Variants in SPTB observed in about 807,000 individuals in gnomAD.
SPTB encodes the protein spectrin beta chain, erythrocytic.
A neutral mutation model predicts 256.2 loss-of-function variants in SPTB; 45 were observed. The ratio of observed to expected loss-of-function variants is 0.18; its 90% CI spans 0.14 to 0.23. The LOEUF is 0.23. Among genes scored for constraint, SPTB ranks in the 10% least tolerant of loss-of-function variants. The pLI, the probability that SPTB is intolerant of heterozygous loss-of-function variation, is 1.00. For missense variants in SPTB, 2,715 were observed against 3,040.4 expected (o/e 0.89, Z 2.52); for synonymous variants, 1,231 against 1,243.1 (o/e 0.99, Z 0.21).
At chr14:64,822,369 C>CTGGT (rs2083305174) in intron 2 of SPTB, among the ~76,000 whole-genome samples, 2 of 127,756 alleles carry the variant, frequency 1.6e-5, no homozygotes, top group Non-Finnish European at 3.5e-5. Flanking sequence ...CTCTCTCTCT[C>CTGGT]TCTCTCACAC....
chr14:64,805,202 A>G, intron 2 of SPTB, 112 bp from the exon 3 acceptor site: 1 of 1,225,546 alleles, frequency 8.2e-7, no homozygotes, highest in Non-Finnish European at 1.2e-6. Context: ...TGGCAGAGGA[A>G]GTCGATGTAT....
chr14:64,863,305 G>GA (rs372076510), intron 1 of SPTB, among the ~76,000 whole-genome samples: 11 of 149,542 alleles, frequency 7.4e-5, no homozygotes, highest in East Asian at 3.9e-4. Flanking sequence ...GCTGATGAGC[G>GA]AAAAAAAAAA....
intron 9 of SPTB, among the ~76,000 whole-genome samples, chr14:64,799,104 G>A (rs1414485563): frequency 6.7e-6 from 1 of 149,642 alleles, no homozygotes; most frequent in Non-Finnish European, 1.5e-5. Flanking sequence ...TGAGTGCACG[G>A]TTGTGTGTGT....
Position 64,806,516 on chromosome 14 carries a change from A to G in SPTB, c.149-1426T>C, listed in dbSNP as rs114155584. ...GCTTTTTAAATTATTAAATATCTTG[A>G]TTCAACAATAACAAAAAGAGGAGCT... On this transcript the variant is annotated intron_variant, in intron 2 of 35. Coordinates refer to ENST00000644917, the MANE Select transcript of SPTB (RefSeq NM_001355436.2). The surrounding 1 kb of genome is among the most constrained non-coding windows in gnomAD (Gnocchi z 4.1). Among the ~76,000 whole-genome samples, 755 of 152,328 alleles carry G rather than the reference A, an allele frequency of 5.0e-3. 10 individuals carry two copies. The highest frequency in any genetic ancestry group is 0.018 in the African/African-American group (738 of 41,570).
chr14:64,785,930 C>T lies in SPTB; in HGVS notation c.3583G>A (p.Glu1195Lys), dbSNP rs367840098. Residue 1195 changes from glutamate to lysine, a missense_variant, in exon 17 of 36, where the codon GAG becomes AAG. Glu to Lys is a moderately conservative substitution (Grantham distance 56, BLOSUM62 1). Coordinates refer to ENST00000644917, the MANE Select transcript of SPTB (RefSeq NM_001355436.2). This position sits in a 1 kb window ranked among gnomAD's most constrained non-coding sequence, Gnocchi z 4.4. ...GCAGCTTCCAGGGAGTCTGGGGGCT[C>T]CAAGTGAGCCAGAGTGTATTCCTGT... is the stretch of plus-strand genomic sequence containing the variant. ...SNQEYTLAHL[E>K]PPDSLEAAEA... is the part of the protein sequence containing the mutation. 1.9e-6 allele frequency: 3 copies of T among 1,614,102 alleles called. No individual in the cohort carries two copies. The highest frequency in any genetic ancestry group is 2.5e-6 in the Non-Finnish European group (3 of 1,180,030).
rs1340521360 is a variant in SPTB at position 64,772,626 on chromosome 14, C to T, written c.5507G>A (p.Arg1836Gln). The T allele has an allele frequency of 2.5e-6, 4 of 1,612,538 alleles. No homozygotes were observed. The highest frequency in any genetic ancestry group is 1.1e-5 in the South Asian group (1 of 91,060). Residue 1836 changes from arginine (R) to glutamine (Q), a missense_variant, in exon 26 of 36, where the codon CGG becomes CAG. By Grantham distance (43) the Arg-to-Gln change is conservative (BLOSUM62 1). Around this residue, in one of 4 missense-constraint regions of SPTB, gnomAD observed 2,239 missense variants for 2,384.4 expected, o/e 0.94. Transcript: ENST00000644917. This position sits in a 1 kb window ranked among gnomAD's most constrained non-coding sequence, Gnocchi z 5.4. ...CTCCCGCTCGAAGGCTGTGTGCACC[C>T]GGTGGAAGGACTCGGCCGTGCTGGC... is the stretch of plus-strand genomic sequence containing the variant. Reference protein sequence around the residue: ...LDASTAESFHRVHTAFERELH... With the variant: ...LDASTAESFHQVHTAFERELH...
chr14:64,801,883 C>A, intron 5 of SPTB, 49 bp from the exon 6 acceptor site: 2 of 1,554,664 alleles, frequency 1.3e-6, no homozygotes, highest in Non-Finnish European at 1.8e-6. Flanking sequence ...TTTTTGTAGT[C>A]CCAAACAAGT....
chr14:64,784,128 C>T (rs997379335), intron 19 of SPTB, 119 bp downstream of exon 19: 18 of 1,471,626 alleles, frequency 1.2e-5, no homozygotes, highest in African/African-American at 1.1e-4. Context: ...AAAAGTTGTT[C>T]GCTGCCACGT....
At chr14:64,842,143 C>T (rs1160859663) in intron 1 of SPTB, among the ~76,000 whole-genome samples, 4 of 152,200 alleles carry the variant, frequency 2.6e-5, no homozygotes, top group Non-Finnish European at 5.9e-5. Context: ...CAGGAAGGCG[C>T]GTGTGCGGGG....
chr14:64,772,699 G>A lies in SPTB; in HGVS notation c.5434C>T (p.Leu1812Phe), dbSNP rs1372870402. 1 of 1,613,844 alleles carries A rather than the reference G, an allele frequency of 6.2e-7. No individual in the cohort carries two copies. Among genetic ancestry groups the A allele is most frequent in the South Asian group, 1.1e-5 (1 of 91,080 alleles). The change falls in exon 26 of 36, where the codon CTC becomes TTC. Residue 1812 changes from leucine (L) to phenylalanine (F), a missense_variant. Transcript: ENST00000644917. This position sits in a 1 kb window ranked among gnomAD's most constrained non-coding sequence, Gnocchi z 5.4. Reference sequence around the variant, plus strand: ...AGCTCGCGGTGCTTCTCGTCGATGAGGCCCAGGATCTCGGCACCCGTGTAG... The same window carrying A: ...AGCTCGCGGTGCTTCTCGTCGATGAAGCCCAGGATCTCGGCACCCGTGTAG... Reference protein sequence around the residue: ...YFYTGAEILGLIDEKHRELPE... With the variant: ...YFYTGAEILGFIDEKHRELPE...
At chr14:64,815,531 C>A (rs970471366) in intron 2 of SPTB, among the ~76,000 whole-genome samples, 1 of 152,162 alleles carries the variant, frequency 6.6e-6, no homozygotes, top group Non-Finnish European at 1.5e-5. Flanking sequence ...ACCTAGAACA[C>A]GAAGCAGCTG....
At chr14:64,849,571 A>G (rs1160405096) in intron 1 of SPTB, among the ~76,000 whole-genome samples, 2 of 152,174 alleles carry the variant, frequency 1.3e-5, no homozygotes, top group Non-Finnish European at 2.9e-5. Flanking sequence ...CCTCTTTTAG[A>G]GCAAAATTTT....
chr14:64,815,531 C>T (rs970471366), intron 2 of SPTB, among the ~76,000 whole-genome samples: 12 of 152,280 alleles, frequency 7.9e-5, no homozygotes, highest in African/African-American at 2.4e-4. Flanking sequence ...ACCTAGAACA[C>T]GAAGCAGCTG....
intron 32 of SPTB, chr14:64,763,807 G>C: frequency 1.9e-6 from 1 of 519,004 alleles, no homozygotes; most frequent in Non-Finnish European, 3.8e-6. Context: ...ATGTAAAAAG[G>C]CAAGAGGTGA....
intron 2 of SPTB, among the ~76,000 whole-genome samples, chr14:64,815,719 A>G (rs545261755): frequency 3.9e-5 from 6 of 152,338 alleles, no homozygotes; most frequent in South Asian, 4.1e-4. Context: ...GAAAAGGATC[A>G]GTTCCCTTCC....
intron 33 of SPTB, among the ~76,000 whole-genome samples, chr14:64,750,632 C>T (rs1305636537): frequency 1.3e-5 from 2 of 151,820 alleles, no homozygotes; most frequent in African/African-American, 2.4e-5. Context: ...AAAAATTAGC[C>T]GGGCTTGGTG....
chr14:64,783,502 T>A (rs181446271), intron 19 of SPTB, among the ~76,000 whole-genome samples: 35 of 152,310 alleles, frequency 2.3e-4, no homozygotes, highest in African/African-American at 7.5e-4. Flanking sequence ...GTGCCTGGCC[T>A]AATAGTTAAT....
chr14:64,792,306 A>C lies in SPTB; in HGVS notation c.2667-450T>G, dbSNP rs1037208554. Among the ~76,000 whole-genome samples, 9 of 152,162 alleles carry C rather than the reference A, an allele frequency of 5.9e-5. No homozygotes were observed. The highest frequency in any genetic ancestry group is 1.9e-4 in the African/African-American group (8 of 41,428). ...CAGCCAGGTGCTCCATTCCTGGGTA[A>C]GATAAGGAAAAGCTGCTGGGGCGGT... On this transcript the variant is annotated intron_variant, in intron 14 of 35. Coordinates refer to ENST00000644917, the MANE Select transcript of SPTB (RefSeq NM_001355436.2). This position sits in a 1 kb window ranked among gnomAD's most constrained non-coding sequence, Gnocchi z 4.2.
chr14:64,857,585 A>T (rs2083894069), intron 1 of SPTB, among the ~76,000 whole-genome samples: 1 of 150,846 alleles, frequency 6.6e-6, no homozygotes. Context: ...CTCAAAAAAA[A>T]AAAAAAAAAA....
Sources: gnomAD v4.1 joint callset for allele counts (sites outside exome capture counted in the v4.1 genomes callset) on GRCh38, gnomAD v4.1.1 for gene constraint, gnomAD v4.1.1 regional missense constraint, Gnocchi (gnomAD v3.1) non-coding constraint, MANE v1.5 for transcripts, NCBI Gene and HGNC (gene_info 2026-07-23, HGNC 2026-07-21) for gene names.